The following ADAMTS12 variants were observed in gnomAD, a reference collection of about 807,000 sequenced individuals.
ADAMTS12 encodes ADAM metallopeptidase with thrombospondin type 1 motif 12.
ADAMTS12 carries 118 observed loss-of-function variants against 167.8 expected under a neutral mutation model. The ratio of observed to expected loss-of-function variants is 0.70; its 90% CI spans 0.61 to 0.82. ADAMTS12 has a LOEUF of 0.82. Ranked by LOEUF, ADAMTS12 falls within the 40% of genes least tolerant of loss-of-function variation. ADAMTS12 has a pLI of 0.00. For synonymous variants in ADAMTS12, 704 were observed against 716.9 expected (o/e 0.98, Z 0.29); for missense variants, 1,916 against 1,998.8 (o/e 0.96, Z 0.79).
intron 12 of ADAMTS12, among the ~76,000 whole-genome samples, chr5:33,636,634 T>C (rs1042028100): frequency 1.3e-5 from 2 of 152,182 alleles, no homozygotes; most frequent in East Asian, 3.8e-4. Context: ...TACACAATTC[T>C]CAAATCTGTG....
At chr5:33,601,526 G>C (rs529118278) in intron 16 of ADAMTS12, among the ~76,000 whole-genome samples, 2 of 152,266 alleles carry the variant, frequency 1.3e-5, no homozygotes, top group East Asian at 3.9e-4. Context: ...TCTGAGGCTA[G>C]GGAATAAAGC....
intron 2 of ADAMTS12, among the ~76,000 whole-genome samples, chr5:33,794,442 G>A (rs1244667207): frequency 6.6e-6 from 1 of 152,190 alleles, no homozygotes; most frequent in Non-Finnish European, 1.5e-5. Flanking sequence ...TGCTGAGCCG[G>A]TGAGCGGAAA....
chr5:33,862,469 T>C (rs775452087), intron 2 of ADAMTS12, among the ~76,000 whole-genome samples: 1 of 152,098 alleles, frequency 6.6e-6, no homozygotes, highest in African/African-American at 2.4e-5. Flanking sequence ...CCTGGACACA[T>C]ACACCCTCCC....
At position 33,643,001 on chromosome 5, in the gene ADAMTS12, T is replaced by C. The variant is rs544088818; in HGVS notation, c.1572+377A>G. Among the ~76,000 whole-genome samples the C allele has an allele frequency of 8.0e-3, 806 of 101,032 alleles. 7 individuals carry two copies. The highest frequency in any genetic ancestry group is 0.022 in the African/African-American group (753 of 33,536). 66.3% of individuals were successfully genotyped at this position (101,032 alleles called of 152,430 possible). A position where few individuals can be genotyped will look rare whatever the true frequency, so the allele number is the denominator to read the frequency against. On this transcript the variant is annotated intron_variant, in intron 10 of 23. Coordinates refer to ENST00000504830, the MANE Select transcript of ADAMTS12 (RefSeq NM_030955.4). Reference sequence around the variant, plus strand: ...GATGATAAGTGGCCTAAATCCTGCATTTTTGGGAAAAGAAGCCGCTGGCTT... The same window carrying C: ...GATGATAAGTGGCCTAAATCCTGCACTTTTGGGAAAAGAAGCCGCTGGCTT...
intron 2 of ADAMTS12, among the ~76,000 whole-genome samples, chr5:33,863,915 T>C (rs548723060): frequency 9.8e-5 from 15 of 152,286 alleles, no homozygotes; most frequent in Admixed American, 2.0e-4. Context: ...TCTACAACCA[T>C]CTGATCTTTG....
chr5:33,670,624 C>T (rs542130991), intron 5 of ADAMTS12, among the ~76,000 whole-genome samples: 1 of 152,240 alleles, frequency 6.6e-6, no homozygotes, highest in East Asian at 1.9e-4. Context: ...TGTCTGTAAT[C>T]CCAGCTACTC....
chr5:33,800,239 C>G (rs970926234), intron 2 of ADAMTS12, among the ~76,000 whole-genome samples: 2 of 152,142 alleles, frequency 1.3e-5, no homozygotes, highest in African/African-American at 4.8e-5. Context: ...GGCACCATAC[C>G]AGTGTCGCAG....
rs768625704 is a variant in ADAMTS12 at position 33,891,712 on chromosome 5, T to G, written c.127+18A>C. 6 of 1,613,122 alleles carry G rather than the reference T, an allele frequency of 3.7e-6. No individual in the cohort carries two copies. The highest frequency in any genetic ancestry group is 1.3e-5 in the African/African-American group (1 of 74,764). On this transcript the variant is annotated intron_variant, in intron 1 of 23. Transcript: ENST00000504830. ...TTACCACCACTGTTTTAAAAAGAAA[T>G]AAAGAAGAGTCACTAACCTTGCCTC...
chr5:33,853,893 A>T (rs73760049), intron 2 of ADAMTS12, among the ~76,000 whole-genome samples: 3,391 of 152,240 alleles, frequency 0.022, 128 homozygotes, highest in African/African-American at 0.078. Flanking sequence ...GGTGATGCCA[A>T]TCCTGCTGGT....
intron 17 of ADAMTS12, among the ~76,000 whole-genome samples, chr5:33,592,701 C>T (rs947820801): frequency 6.6e-6 from 1 of 152,138 alleles, no homozygotes; most frequent in Non-Finnish European, 1.5e-5. Flanking sequence ...AAAAAAATCT[C>T]TCTCAAATAC....
At chr5:33,880,780 G>A (rs546329392) in intron 2 of ADAMTS12, 12 of 259,910 alleles carry the variant, frequency 4.6e-5, no homozygotes, top group South Asian at 1.6e-4. Flanking sequence ...TTCAAAATAC[G>A]CTGTCCAGCC....
chr5:33,725,202 C>CA (rs1272073381), intron 3 of ADAMTS12, among the ~76,000 whole-genome samples: 1 of 152,206 alleles, frequency 6.6e-6, no homozygotes, highest in African/African-American at 2.4e-5. Context: ...TGATTTCTTT[C>CA]AAAACCACTG....
At chr5:33,697,772 G>A (rs113142828) in intron 3 of ADAMTS12, among the ~76,000 whole-genome samples, 2,656 of 152,244 alleles carry the variant, frequency 0.017, 71 homozygotes, top group African/African-American at 0.059. Context: ...TTAGCCAACC[G>A]GGATTAGTTC....
chr5:33,609,288 GAAA>G (rs1391566178), intron 16 of ADAMTS12, among the ~76,000 whole-genome samples: 2 of 151,126 alleles, frequency 1.3e-5, no homozygotes, highest in African/African-American at 4.9e-5. Flanking sequence ...ATATAGGATA[GAAA>G]AGTATTTTTA....
chr5:33,851,660 G>A (rs973899117), intron 2 of ADAMTS12, among the ~76,000 whole-genome samples: 1 of 152,142 alleles, frequency 6.6e-6, no homozygotes, highest in South Asian at 2.1e-4. Context: ...CTGGATTGCT[G>A]CCCAGTCCCC....
At chr5:33,543,565 GA>G (rs1744813433) in intron 22 of ADAMTS12, among the ~76,000 whole-genome samples, 1 of 151,980 alleles carries the variant, frequency 6.6e-6, no homozygotes, top group Non-Finnish European at 1.5e-5. Context: ...AACAAAAAAA[GA>G]ATTTTAGACC....
In ADAMTS12 at chr5:33,739,246, C is replaced by A. The variant is rs549804539; in HGVS notation, c.634+12158G>T. ...CACATGTACACCCCACGCATCAACA[C>A]ACACTCCTTCACACACACATAAACA... On this transcript the variant is annotated intron_variant, in intron 3 of 23. Transcript: ENST00000504830. 1.1e-4 allele frequency among the ~76,000 whole-genome samples: 16 copies of A among 152,188 alleles called. No individual in the cohort carries two copies. In the East Asian group the frequency reaches 2.9e-3, roughly 28 times the overall value.
chr5:33,619,839 C>T (rs1353241803), intron 14 of ADAMTS12, among the ~76,000 whole-genome samples: 8 of 152,152 alleles, frequency 5.3e-5, no homozygotes, highest in African/African-American at 1.2e-4. Context: ...GGACTACCAG[C>T]GCGTGCCACC....
chr5:33,782,646 T>C (rs965088805), intron 2 of ADAMTS12, among the ~76,000 whole-genome samples: 3 of 151,914 alleles, frequency 2.0e-5, no homozygotes, highest in African/African-American at 7.2e-5. Context: ...GTTGACTACA[T>C]TAATAACAAA....
Sources: gnomAD v4.1 joint callset for allele counts (sites outside exome capture counted in the v4.1 genomes callset) on GRCh38, gnomAD v4.1.1 for gene constraint, MANE v1.5 for transcripts, NCBI Gene and HGNC (gene_info 2026-07-23, HGNC 2026-07-21) for gene names.